NRG3: variants seen among roughly 807,000 people sequenced by gnomAD.
NRG3 encodes the protein neuregulin 3, also known as pro-neuregulin-3, membrane-bound isoform.
NRG3 carries 31 observed loss-of-function variants against 66.9 expected under a neutral mutation model. The observed-to-expected ratio is 0.46, with a 90% CI of 0.35 to 0.63. The LOEUF is 0.63. Ranked by LOEUF, NRG3 falls within the 20% of genes least tolerant of loss-of-function variation. The pLI is 0.00. For synonymous variants in NRG3, 393 were observed against 359.4 expected, an observed-to-expected ratio of 1.09 and a Z score of -1.06; for missense variants, 910 against 878.9, an observed-to-expected ratio of 1.04 and a Z score of -0.45.
chr10:82,195,713 G>T (rs2074412109), intron 1 of NRG3, among the ~76,000 whole-genome samples: 1 of 152,148 alleles, frequency 6.6e-6, no homozygotes, highest in Non-Finnish European at 1.5e-5. Context: ...CTAATCAGTT[G>T]ACATTGAAAT....
At chr10:82,908,860 C>T (rs2131950742) in intron 4 of NRG3, among the ~76,000 whole-genome samples, 1 of 152,294 alleles carries the variant, frequency 6.6e-6, no homozygotes, top group Non-Finnish European at 1.5e-5. Flanking sequence ...GGAGCTGTGG[C>T]AGTCAGGAGG....
At chr10:82,913,783 G>C (rs1048550280) in intron 4 of NRG3, among the ~76,000 whole-genome samples, 11 of 152,126 alleles carry the variant, frequency 7.2e-5, no homozygotes, top group Admixed American at 6.5e-4. Context: ...GCATAATGTA[G>C]AGTATTTTCC....
intron 2 of NRG3, among the ~76,000 whole-genome samples, chr10:82,482,310 A>T (rs928296440): frequency 6.6e-6 from 1 of 152,196 alleles, no homozygotes; most frequent in Admixed American, 6.5e-5. Context: ...TAGCCTTGTC[A>T]TCCTGGAACA....
chr10:82,907,334 G>A (rs1325594038), intron 4 of NRG3, among the ~76,000 whole-genome samples: 1 of 152,134 alleles, frequency 6.6e-6, no homozygotes, highest in Non-Finnish European at 1.5e-5. Context: ...ATTCTGTGGA[G>A]TTGAAGCTAT....
intron 2 of NRG3, among the ~76,000 whole-genome samples, chr10:82,670,925 C>G (rs1445673256): frequency 6.6e-6 from 1 of 152,176 alleles, no homozygotes; most frequent in Non-Finnish European, 1.5e-5. Flanking sequence ...CCCATCAATT[C>G]TCATCCTCCT....
At chr10:82,534,045 T>C (rs1847569242) in intron 2 of NRG3, among the ~76,000 whole-genome samples, 1 of 152,030 alleles carries the variant, frequency 6.6e-6, no homozygotes, top group Non-Finnish European at 1.5e-5. Context: ...AATAATAAAA[T>C]CTTAGGAATA....
At chr10:82,069,352 A>C (rs746408893) in intron 1 of NRG3, among the ~76,000 whole-genome samples, 1 of 152,126 alleles carries the variant, frequency 6.6e-6, no homozygotes, top group Non-Finnish European at 1.5e-5. Context: ...TGATGTTGAG[A>C]CTTGTGAGGT....
intron 4 of NRG3, among the ~76,000 whole-genome samples, chr10:82,921,363 T>G (rs933996809): frequency 1.3e-5 from 2 of 152,124 alleles, no homozygotes; most frequent in Admixed American, 6.6e-5. Flanking sequence ...AACTATTAAA[T>G]GTGATGTGGC....
chr10:82,752,846 C>A (rs900882741), intron 3 of NRG3, among the ~76,000 whole-genome samples: 6 of 152,096 alleles, frequency 3.9e-5, no homozygotes, highest in African/African-American at 1.4e-4. Context: ...GACTTCCCAG[C>A]CTTTAGGATC....
chr10:81,953,894 C>T (rs1589581442), intron 1 of NRG3, among the ~76,000 whole-genome samples: 1 of 152,108 alleles, frequency 6.6e-6, no homozygotes, highest in Non-Finnish European at 1.5e-5. Context: ...TTTGGTAGAA[C>T]TGTAAAGAGC....
chr10:82,013,060 G>A (rs1385986296), intron 1 of NRG3, among the ~76,000 whole-genome samples: 1 of 152,082 alleles, frequency 6.6e-6, no homozygotes, highest in African/African-American at 2.4e-5. Context: ...TAATGTATTA[G>A]TTTGTTCTCA....
chr10:82,044,369 T>C (rs1564764254), intron 1 of NRG3, among the ~76,000 whole-genome samples: 1 of 151,870 alleles, frequency 6.6e-6, no homozygotes, highest in Non-Finnish European at 1.5e-5. Flanking sequence ...CTCACCCACA[T>C]ACCCACACTC....
intron 2 of NRG3, among the ~76,000 whole-genome samples, chr10:82,538,455 G>T (rs1331680338): frequency 6.6e-6 from 1 of 152,078 alleles, no homozygotes; most frequent in East Asian, 1.9e-4. Context: ...AGTTCTGTCT[G>T]CTTTTCCTTT....
chr10:82,137,914 A>G (rs2069484617), intron 1 of NRG3, among the ~76,000 whole-genome samples: 1 of 152,214 alleles, frequency 6.6e-6, no homozygotes, highest in Non-Finnish European at 1.5e-5. Flanking sequence ...CATGTAACTC[A>G]GAATGATCCT....
chr10:81,904,257 G>T (rs533633792), intron 1 of NRG3, among the ~76,000 whole-genome samples: 1 of 151,978 alleles, frequency 6.6e-6, no homozygotes, highest in African/African-American at 2.4e-5. Flanking sequence ...TCATCTGCCC[G>T]CCTCAGCCTC....
At chr10:82,824,885 T>G (rs992986508) in intron 3 of NRG3, among the ~76,000 whole-genome samples, 14 of 151,976 alleles carry the variant, frequency 9.2e-5, no homozygotes, top group African/African-American at 3.4e-4. Flanking sequence ...CCCAGCTAAC[T>G]TATTTGCTTA....
intron 3 of NRG3, among the ~76,000 whole-genome samples, chr10:82,846,248 G>A (rs116480290): frequency 2.0e-5 from 3 of 152,056 alleles, no homozygotes; most frequent in Admixed American, 1.3e-4. Context: ...TTTTGGCTAC[G>A]AGAGAAAAAG....
At chr10:82,847,074 G>A (rs559934813) in intron 3 of NRG3, among the ~76,000 whole-genome samples, 5 of 152,268 alleles carry the variant, frequency 3.3e-5, no homozygotes, top group East Asian at 3.9e-4. Context: ...ATCTACCATC[G>A]TAGCATGTGG....
intron 2 of NRG3, among the ~76,000 whole-genome samples, chr10:82,599,823 A>G (rs776309590): frequency 1.3e-5 from 2 of 152,122 alleles, no homozygotes; most frequent in Non-Finnish European, 2.9e-5. Context: ...TCAAAACAAA[A>G]CAAAACAAAT....
Sources: allele counts gnomAD v4.1 joint callset (sites outside exome capture counted in the v4.1 genomes callset), GRCh38; gene constraint gnomAD v4.1.1; transcripts MANE v1.5; gene names NCBI Gene and HGNC (gene_info 2026-07-23, HGNC 2026-07-21).